OXR1: variants seen among roughly 807,000 people sequenced by gnomAD.
OXR1 encodes oxidation resistance protein 1.
A neutral mutation model predicts 104.6 loss-of-function variants in OXR1; 41 were observed. The ratio of observed to expected loss-of-function variants is 0.39; its 90% CI spans 0.31 to 0.51. OXR1 has a LOEUF of 0.51. OXR1 is among the 20% of genes least tolerant of loss of function. The probability of loss-of-function intolerance (pLI) is 0.77; values close to 1 mark genes in which losing one functional copy is unlikely to be tolerated. For synonymous variants in OXR1, 348 were observed against 348.4 expected, an observed-to-expected ratio of 1.00 and a Z score of 0.01; for missense variants, 955 against 1,031.9, an observed-to-expected ratio of 0.93 and a Z score of 1.02.
At chr8:106,684,220 A>G in intron 5 of OXR1, 26 bp from the exon 6 acceptor site, 2 of 1,149,326 alleles carry the variant, frequency 1.7e-6, no homozygotes, top group Non-Finnish European at 2.6e-6. Context: ...TTTTAACTAA[A>G]TCTTTGTGTG....
At position 106,469,372 on chromosome 8, in the gene OXR1, C is replaced by T. The variant is rs190664229; in HGVS notation, c.24-49571C>T. ...CTGAAGAAACTCTTCACTTGATTTG[C>T]CCTGGGCCATATGTCTACTTCTGAT... On this transcript the variant is annotated intron_variant, in intron 2 of 16. Coordinates refer to ENST00000517566, the MANE Select transcript of OXR1 (RefSeq NM_001198533.2). 3.8e-3 allele frequency among the ~76,000 whole-genome samples: 575 copies of T among 151,890 alleles called. 5 individuals are homozygous for T. The highest frequency in any genetic ancestry group is 5.8e-3 in the Admixed American group (88 of 15,194).
intron 1 of OXR1, among the ~76,000 whole-genome samples, chr8:106,347,044 A>G (rs2130293203): frequency 6.6e-6 from 1 of 152,366 alleles, no homozygotes; most frequent in South Asian, 2.1e-4. Context: ...CTCCGTCTCA[A>G]AGAAAAGAAA....
chr8:106,332,297 C>G (rs898499232), intron 1 of OXR1, among the ~76,000 whole-genome samples: 2 of 152,080 alleles, frequency 1.3e-5, no homozygotes, highest in Non-Finnish European at 2.9e-5. Context: ...GTTGAATCTT[C>G]CAGTTGGATA....
At chr8:106,495,158 A>G (rs1811334240) in intron 2 of OXR1, among the ~76,000 whole-genome samples, 2 of 151,730 alleles carry the variant, frequency 1.3e-5, no homozygotes, top group South Asian at 4.1e-4. Flanking sequence ...ATATACATAG[A>G]TATATAATAT....
chr8:106,374,416 G>C (rs974592393), intron 2 of OXR1, among the ~76,000 whole-genome samples: 1 of 152,110 alleles, frequency 6.6e-6, no homozygotes, highest in Non-Finnish European at 1.5e-5. Context: ...GTCAAAATCA[G>C]TTAATTGTTC....
chr8:106,294,495 G>C (rs1167030365), intron 1 of OXR1, among the ~76,000 whole-genome samples: 1 of 151,690 alleles, frequency 6.6e-6, no homozygotes, highest in Non-Finnish European at 1.5e-5. Flanking sequence ...TTTATAGGAA[G>C]CATGGTGCTG....
intron 3 of OXR1, among the ~76,000 whole-genome samples, chr8:106,662,848 TG>T (rs2131098788): frequency 1.3e-5 from 1 of 78,504 alleles, no homozygotes; most frequent in East Asian, 3.1e-4. Flanking sequence ...GGGATGATGA[TG>T]ATGATGATGA....
intron 2 of OXR1, among the ~76,000 whole-genome samples, chr8:106,442,286 GT>G (rs1333669403): frequency 6.6e-6 from 1 of 152,132 alleles, no homozygotes; most frequent in Non-Finnish European, 1.5e-5. Flanking sequence ...TGGTGGGTAA[GT>G]TTTTTGATGT....
intron 1 of OXR1, among the ~76,000 whole-genome samples, chr8:106,324,263 G>A (rs1308076821): frequency 6.6e-6 from 1 of 152,158 alleles, no homozygotes; most frequent in East Asian, 1.9e-4. Flanking sequence ...CACAGGAACA[G>A]AAAACCCAAT....
At chr8:106,391,613 T>A (rs1037986813) in intron 2 of OXR1, among the ~76,000 whole-genome samples, 3 of 152,208 alleles carry the variant, frequency 2.0e-5, no homozygotes, top group Admixed American at 6.6e-5. Flanking sequence ...CAAATGTTTT[T>A]TTCAAACCAC....
chr8:106,420,859 C>G (rs1818876375), intron 2 of OXR1, among the ~76,000 whole-genome samples: 1 of 151,650 alleles, frequency 6.6e-6, no homozygotes, highest in Non-Finnish European at 1.5e-5. Context: ...TCTAGCTGGT[C>G]TTTATTTAAT....
chr8:106,673,137 A>G (rs1827217687), intron 3 of OXR1, among the ~76,000 whole-genome samples: 1 of 152,212 alleles, frequency 6.6e-6, no homozygotes, highest in Non-Finnish European at 1.5e-5. Context: ...AGATGTGGGA[A>G]AGTTTGGAAC....
intron 15 of OXR1, among the ~76,000 whole-genome samples, chr8:106,743,955 C>T (rs1308720884): frequency 6.6e-6 from 1 of 152,160 alleles, no homozygotes; most frequent in Non-Finnish European, 1.5e-5. Context: ...AAACTAAACA[C>T]CACATGTTCT....
chr8:106,603,579 G>T (rs1468171297), intron 3 of OXR1, among the ~76,000 whole-genome samples: 1 of 152,086 alleles, frequency 6.6e-6, no homozygotes, highest in African/African-American at 2.4e-5. Flanking sequence ...AGCTCCCTTT[G>T]GGTGATGGGT....
In OXR1 at chr8:106,588,672, G is replaced by T. The variant is rs574125164; in HGVS notation, c.220+69533G>T. ...TAATTTTTGTATTTGTAGTAGACAG[G>T]GTTTCACCATCTTGGCCAGGCTGGT... On this transcript the variant is annotated intron_variant, in intron 3 of 16. Transcript: ENST00000517566. 2.0e-5 allele frequency among the ~76,000 whole-genome samples: 3 copies of T among 151,734 alleles called. No individual in the cohort carries two copies. In the East Asian group the frequency reaches 5.9e-4, roughly 30 times the overall value.
chr8:106,344,166 C>T (rs1330026233), intron 1 of OXR1, among the ~76,000 whole-genome samples: 2 of 152,052 alleles, frequency 1.3e-5, no homozygotes, highest in South Asian at 2.1e-4. Context: ...GGTGGGGTTC[C>T]CTGGTTTTAG....
At chr8:106,709,024 C>G (rs1263183946) in intron 9 of OXR1, among the ~76,000 whole-genome samples, 1 of 151,826 alleles carries the variant, frequency 6.6e-6, no homozygotes, top group South Asian at 2.1e-4. Flanking sequence ...GAACCAAGTT[C>G]TATAAAAGAT....
At chr8:106,291,633 C>A (rs1586480745) in intron 1 of OXR1, among the ~76,000 whole-genome samples, 1 of 152,084 alleles carries the variant, frequency 6.6e-6, no homozygotes, top group East Asian at 1.9e-4. Flanking sequence ...TCATTAGTTT[C>A]AAATTGCTTG....
chr8:106,303,248 CTTTTTTTT>C (rs1164596413), intron 1 of OXR1, among the ~76,000 whole-genome samples: 5 of 92,362 alleles, frequency 5.4e-5, no homozygotes, highest in Non-Finnish European at 1.0e-4. Flanking sequence ...TTTTTTCTTT[CTTTTTTTT>C]TTTTTTTTTT....
Sources: allele counts gnomAD v4.1 joint callset (sites outside exome capture counted in the v4.1 genomes callset), GRCh38; gene constraint gnomAD v4.1.1; transcripts MANE v1.5; gene names NCBI Gene and HGNC (gene_info 2026-07-23, HGNC 2026-07-21).